Variants in PTPRD observed in about 807,000 individuals in gnomAD.
PTPRD encodes receptor-type tyrosine-protein phosphatase delta.
A neutral mutation model predicts 214.5 loss-of-function variants in PTPRD; 34 were observed. The observed-to-expected ratio is 0.16, with a 90% CI of 0.12 to 0.21. PTPRD has a LOEUF of 0.21. Among genes scored for constraint, PTPRD ranks in the 10% least tolerant of loss-of-function variants. The pLI is 1.00. For synonymous variants in PTPRD, 1,128 were observed against 845.7 expected (o/e 1.33, Z -5.79); for missense variants, 2,545 against 2,398.7 (o/e 1.06, Z -1.27).
chr9:10,594,964 G>A (rs1010551322), intron 2 of PTPRD, among the ~76,000 whole-genome samples: 1 of 151,820 alleles, frequency 6.6e-6, no homozygotes, highest in Non-Finnish European at 1.5e-5. Context: ...TTGGGGTGGG[G>A]CAACTTCGGA....
rs1419818586 is a variant in PTPRD, at chr9:8,404,583, A to G, written c.4164T>C (p.Asn1388=). The change falls in exon 36 of 46, where the codon AAT becomes AAC. Residue 1388 remains asparagine, a synonymous_variant. Coordinates refer to ENST00000381196, the MANE Select transcript of PTPRD (RefSeq NM_002839.4). ...EVNKPKNRYA[N]VIAYDHSRVL... ...CCCGGGAATGATCATATGCGATTAC[A>G]TTCGCGTATCTATTCTTTGGTTTGT... 3.7e-6 allele frequency: 6 copies of G among 1,613,510 alleles called. No homozygotes were observed. The highest frequency in any genetic ancestry group is 1.1e-5 in the South Asian group (1 of 91,070).
intron 2 of PTPRD, among the ~76,000 whole-genome samples, chr9:10,527,860 A>G (rs1455824895): frequency 1.3e-5 from 2 of 152,288 alleles, no homozygotes; most frequent in South Asian, 2.1e-4. Flanking sequence ...CATATTCAAT[A>G]TTTATGGCAT....
At chr9:8,691,840 A>G (rs981579742) in intron 12 of PTPRD, among the ~76,000 whole-genome samples, 4 of 152,168 alleles carry the variant, frequency 2.6e-5, no homozygotes, top group African/African-American at 9.6e-5. Context: ...ATTCCTTCAT[A>G]TTAGTCCCAT....
chr9:8,364,335 T>C (rs1448965303), intron 39 of PTPRD, among the ~76,000 whole-genome samples: 3 of 152,252 alleles, frequency 2.0e-5, no homozygotes, highest in South Asian at 2.1e-4. Flanking sequence ...CATTGGACAG[T>C]GTACCACACA....
intron 5 of PTPRD, among the ~76,000 whole-genome samples, chr9:9,830,668 T>C (rs542898846): frequency 2.8e-4 from 42 of 152,004 alleles, no homozygotes; most frequent in African/African-American, 9.6e-4. Flanking sequence ...TCTTTGCATA[T>C]TGACAGACTG....
At chr9:9,274,880 C>A (rs553041847) in intron 9 of PTPRD, among the ~76,000 whole-genome samples, 2 of 147,728 alleles carry the variant, frequency 1.4e-5, no homozygotes, top group Non-Finnish European at 3.0e-5. Context: ...TGATTCTACT[C>A]GTAAATAATT....
At chr9:9,413,318 G>C (rs896953255) in intron 8 of PTPRD, among the ~76,000 whole-genome samples, 1 of 149,770 alleles carries the variant, frequency 6.7e-6, no homozygotes, top group Non-Finnish European at 1.5e-5. Flanking sequence ...GTTTCACCTT[G>C]TTAGCCAGGA....
chr9:9,886,007 TA>T lies in PTPRD; in HGVS notation c.-368+52499del, dbSNP rs571912923. On this transcript the variant is annotated intron_variant, in intron 5 of 45. Coordinates refer to ENST00000381196, the MANE Select transcript of PTPRD (RefSeq NM_002839.4). ...ATTAAAAAAAAAAAAGATTCAAAGT[TA>T]AAATGAAAAGGATAAACAGTGCCAA... Among the ~76,000 whole-genome samples, 39 of 151,112 alleles carry T rather than the reference TA, an allele frequency of 2.6e-4. 1 individual carries two copies. Among genetic ancestry groups the T allele is most frequent in the Middle Eastern group, 6.9e-3 (2 of 290 alleles).
At chr9:9,934,692 C>T (rs7041838) in intron 5 of PTPRD, among the ~76,000 whole-genome samples, 77,140 of 149,074 alleles carry the variant, frequency 0.52, 23,463 homozygotes, top group East Asian at 0.91. Flanking sequence ...TTCCAATCAA[C>T]AGAAAAAGAG....
At chr9:9,902,292 G>A (rs1439137083) in intron 5 of PTPRD, among the ~76,000 whole-genome samples, 1 of 151,976 alleles carries the variant, frequency 6.6e-6, no homozygotes, top group Admixed American at 6.6e-5. Context: ...ATGTATCTTT[G>A]TGAATACTTA....
chr9:9,712,710 C>T (rs1481359613), intron 7 of PTPRD, among the ~76,000 whole-genome samples: 2 of 152,162 alleles, frequency 1.3e-5, no homozygotes, highest in Admixed American at 1.3e-4. Flanking sequence ...TTAGTTTATC[C>T]ATTGGTCTCA....
chr9:8,401,651 T>C (rs1008125983), intron 36 of PTPRD, among the ~76,000 whole-genome samples: 5 of 152,184 alleles, frequency 3.3e-5, no homozygotes, highest in African/African-American at 1.2e-4. Context: ...ACACAATTCC[T>C]GATTCTTTTA....
chr9:9,279,998 A>G (rs2133482426), intron 9 of PTPRD, among the ~76,000 whole-genome samples: 1 of 151,416 alleles, frequency 6.6e-6, no homozygotes, highest in African/African-American at 2.4e-5. Flanking sequence ...CTATATTGAT[A>G]GGTTATTGGG....
rs143702471 is a variant in PTPRD, at chr9:9,062,746, T to A, written c.-142-44011A>T. Among the ~76,000 whole-genome samples the A allele has an allele frequency of 8.9e-4, 135 of 152,290 alleles. 1 individual carries two copies. The highest frequency in any genetic ancestry group is 3.1e-3 in the African/African-American group (129 of 41,558). ...ACATCATGTTACTGTGTAAATATCA[T>A]ATGGCTGCTTATATCTATCATTTGG... On this transcript the variant is annotated intron_variant, in intron 10 of 45. Coordinates refer to ENST00000381196, the MANE Select transcript of PTPRD (RefSeq NM_002839.4).
At chr9:10,354,723 G>T (rs529424531) in intron 2 of PTPRD, among the ~76,000 whole-genome samples, 4 of 152,136 alleles carry the variant, frequency 2.6e-5, no homozygotes, top group Non-Finnish European at 5.9e-5. Flanking sequence ...TACTGCTAGG[G>T]TGACGTTATA....
chr9:9,235,849 G>A (rs1177722880), intron 9 of PTPRD, among the ~76,000 whole-genome samples: 1 of 148,790 alleles, frequency 6.7e-6, no homozygotes, highest in East Asian at 1.9e-4. Context: ...AGTAACTCTG[G>A]TGACTTTTTT....
intron 9 of PTPRD, among the ~76,000 whole-genome samples, chr9:9,226,328 G>A (rs996313902): frequency 1.3e-5 from 2 of 151,756 alleles, no homozygotes; most frequent in African/African-American, 4.8e-5. Flanking sequence ...TCTAATATCA[G>A]GGGATTAAAG....
chr9:8,485,966 T>C lies in PTPRD; in HGVS notation c.2851A>G (p.Ile951Val). Residue 951 changes from isoleucine (I) to valine (V), a missense_variant, in exon 28 of 46, where the codon ATC becomes GTC. Coordinates refer to ENST00000381196, the MANE Select transcript of PTPRD (RefSeq NM_002839.4). Reference sequence around the variant, plus strand: ...CTATAAAGAAGGGTATACTTGGTGATAATGCCATTTCTCTCTGCCAGGACA... The same window carrying C: ...CTATAAAGAAGGGTATACTTGGTGACAATGCCATTTCTCTCTGCCAGGACA... Reference protein sequence around the residue: ...PPVLAERNGIITKYTLLYRDI... With the variant: ...PPVLAERNGIVTKYTLLYRDI... 6.2e-7 allele frequency: 1 copy of C among 1,614,196 alleles called. No homozygotes were observed. Among genetic ancestry groups the C allele is most frequent in the East Asian group, 2.2e-5 (1 of 44,878 alleles).
intron 3 of PTPRD, among the ~76,000 whole-genome samples, chr9:10,159,830 A>G (rs1343895944): frequency 6.6e-6 from 1 of 152,062 alleles, no homozygotes; most frequent in African/African-American, 2.4e-5. Context: ...AAAAGATTGA[A>G]AATTAAGGAA....
Sources: allele counts gnomAD v4.1 joint callset (sites outside exome capture counted in the v4.1 genomes callset), GRCh38; gene constraint gnomAD v4.1.1; transcripts MANE v1.5; gene names NCBI Gene and HGNC (gene_info 2026-07-23, HGNC 2026-07-21).